The following ITFG1 variants were observed in gnomAD, a reference collection of about 807,000 sequenced individuals.
ITFG1 encodes the protein T-cell immunomodulatory protein.
Under a neutral mutation model 81.8 loss-of-function variants are expected in ITFG1, and 34 were observed. That is an observed-to-expected ratio of 0.42 (90% CI 0.32 to 0.55). ITFG1 has a LOEUF of 0.55. Ranked by LOEUF, ITFG1 falls within the 20% of genes least tolerant of loss-of-function variation. The pLI is 0.17. For missense variants in ITFG1, 672 were observed against 755.4 expected, an observed-to-expected ratio of 0.89 and a Z score of 1.29; for synonymous variants, 285 against 270.6, an observed-to-expected ratio of 1.05 and a Z score of -0.52.
At chr16:47,461,119 CGA>C (rs1969537782), upstream of ITFG1, 14 of 1,373,802 alleles carry the variant, frequency 1.0e-5, no homozygotes, top group Non-Finnish European at 1.4e-5. Flanking sequence ...CGTTACCGGC[CGA>C]GAGAGTGGCG....
At chr16:47,188,363 C>G (rs933292472) in intron 14 of ITFG1, among the ~76,000 whole-genome samples, 12 of 151,820 alleles carry the variant, frequency 7.9e-5, no homozygotes, top group South Asian at 2.1e-4. Context: ...GGAACCAACC[C>G]AAATGTCCAA....
At chr16:47,327,285 A>T (rs1408184873) in intron 8 of ITFG1, among the ~76,000 whole-genome samples, 2 of 152,222 alleles carry the variant, frequency 1.3e-5, no homozygotes, top group East Asian at 3.8e-4. Flanking sequence ...TAGAAAGCTG[A>T]AACTGGATCC....
At chr16:47,423,368 T>C (rs893283314) in intron 6 of ITFG1, among the ~76,000 whole-genome samples, 2 of 151,800 alleles carry the variant, frequency 1.3e-5, no homozygotes, top group African/African-American at 4.8e-5. Context: ...AGCACATCAA[T>C]GGGTCTTGAC....
At chr16:47,439,676 C>A (rs1171653611) in intron 5 of ITFG1, among the ~76,000 whole-genome samples, 2 of 152,190 alleles carry the variant, frequency 1.3e-5, no homozygotes, top group South Asian at 2.1e-4. Flanking sequence ...AAAAGAGCTC[C>A]TGAAGGAAGC....
At chr16:47,355,559 G>C (rs147826042) in intron 8 of ITFG1, among the ~76,000 whole-genome samples, 1 of 152,240 alleles carries the variant, frequency 6.6e-6, no homozygotes, top group African/African-American at 2.4e-5. Context: ...AAGAAACGAT[G>C]CTTGAGGTGA....
chr16:47,274,705 CCACTAATAAACTCT>C (rs906518829), intron 10 of ITFG1, among the ~76,000 whole-genome samples: 48 of 152,108 alleles, frequency 3.2e-4, no homozygotes, highest in African/African-American at 1.1e-3. Flanking sequence ...GTAGAAAATA[CCACTAATAAACTCT>C]CACTTCTATA....
At chr16:47,259,582 T>C (rs1307096466) in intron 11 of ITFG1, among the ~76,000 whole-genome samples, 2 of 152,154 alleles carry the variant, frequency 1.3e-5, no homozygotes. Context: ...AAGTCTCTTA[T>C]AAAAAACAAA....
chr16:47,387,060 T>C (rs1968471865), intron 6 of ITFG1, among the ~76,000 whole-genome samples: 1 of 152,054 alleles, frequency 6.6e-6, no homozygotes, highest in South Asian at 2.1e-4. Flanking sequence ...CTTAATTATA[T>C]CAGACCATGG....
chr16:47,392,626 ACTT>A (rs2151596350), intron 6 of ITFG1, among the ~76,000 whole-genome samples: 1 of 152,268 alleles, frequency 6.6e-6, no homozygotes, highest in South Asian at 2.1e-4. Flanking sequence ...TGTTTTCTCT[ACTT>A]CTTAATTAAT....
At chr16:47,448,505 G>A (rs973987840) in intron 5 of ITFG1, 1 of 151,906 alleles carries the variant, frequency 6.6e-6, no homozygotes, top group Non-Finnish European at 1.5e-5. Flanking sequence ...AACAGTGTAC[G>A]GCAAAGTATA....
chr16:47,167,736 A>G (rs1169199678), intron 14 of ITFG1, among the ~76,000 whole-genome samples: 2 of 152,208 alleles, frequency 1.3e-5, no homozygotes, highest in East Asian at 1.9e-4. Context: ...CTTTACACGG[A>G]CGCGCATGAA....
At chr16:47,195,803 A>G (rs573914056) in intron 14 of ITFG1, among the ~76,000 whole-genome samples, 122 of 152,250 alleles carry the variant, frequency 8.0e-4, no homozygotes, top group Non-Finnish European at 1.5e-3. Context: ...GGTTTGTTAC[A>G]TAGGTATACG....
At chr16:47,210,685 C>T (rs1348882947) in intron 14 of ITFG1, among the ~76,000 whole-genome samples, 1 of 152,234 alleles carries the variant, frequency 6.6e-6, no homozygotes, top group East Asian at 1.9e-4. Context: ...ACTTTGAATT[C>T]CTTTTTGTAA....
chr16:47,393,335 C>T (rs1428046056), intron 6 of ITFG1, among the ~76,000 whole-genome samples: 9 of 152,156 alleles, frequency 5.9e-5, no homozygotes, highest in African/African-American at 2.2e-4. Flanking sequence ...CAGTGCGATG[C>T]TATGAGGCAG....
At chr16:47,376,980 A>AAAAAAAAAAAAAAAAAAAAAAAAAAAAAT in intron 6 of ITFG1, among the ~76,000 whole-genome samples, 2 of 150,076 alleles carry the variant, frequency 1.3e-5, no homozygotes, top group African/African-American at 5.0e-5. Flanking sequence ...AAAAAAAAAA[A>AAAAAAAAAAAAAAAAAAAAAAAAAAAAAT]AAAAAAAAAA....
chr16:47,363,624 C>CT (rs1231321066), intron 8 of ITFG1, among the ~76,000 whole-genome samples: 3 of 152,096 alleles, frequency 2.0e-5, no homozygotes, highest in Non-Finnish European at 2.9e-5. Context: ...AAAAATAACA[C>CT]TTTTTTTACT....
At chr16:47,434,946 G>A (rs534854361) in intron 5 of ITFG1, among the ~76,000 whole-genome samples, 2 of 152,302 alleles carry the variant, frequency 1.3e-5, no homozygotes, top group South Asian at 4.1e-4. Flanking sequence ...AACATTACAT[G>A]TTCTCACTTA....
intron 6 of ITFG1, among the ~76,000 whole-genome samples, chr16:47,386,379 G>GA: frequency 6.6e-6 from 1 of 152,282 alleles, no homozygotes; most frequent in African/African-American, 2.4e-5. Flanking sequence ...CAAAAACACA[G>GA]GGCTCCCCCT....
At chr16:47,347,841 C>T (rs1000878422) in intron 8 of ITFG1, among the ~76,000 whole-genome samples, 13 of 152,308 alleles carry the variant, frequency 8.5e-5, no homozygotes, top group South Asian at 2.1e-4. Context: ...CCCTCTGAGA[C>T]GGAACTTCCA....
Sources: allele counts gnomAD v4.1 joint callset (sites outside exome capture counted in the v4.1 genomes callset), GRCh38; gene constraint gnomAD v4.1.1; transcripts MANE v1.5; gene names NCBI Gene and HGNC (gene_info 2026-07-23, HGNC 2026-07-21).